The following BCAR3 variants were observed in gnomAD, a reference collection of about 807,000 sequenced individuals.
BCAR3 encodes the protein BCAR3 adaptor protein, NSP family member.
In BCAR3, 37 loss-of-function variants were observed where a neutral mutation model predicts 80.1. The observed-to-expected ratio is 0.46, with a 90% CI of 0.36 to 0.61. The LOEUF (loss-of-function observed/expected upper bound fraction) is 0.61, where lower values mean the gene tolerates loss of function less well. BCAR3 is among the 20% of genes least tolerant of loss of function. BCAR3 has a pLI of 0.00. For synonymous variants in BCAR3, 389 were observed against 418.9 expected, an observed-to-expected ratio of 0.93 and a Z score of 0.87; for missense variants, 978 against 1,068.2, an observed-to-expected ratio of 0.92 and a Z score of 1.18.
intron 8 of BCAR3, 45 bp downstream of exon 8, chr1:93,575,969 G>A: frequency 6.5e-7 from 1 of 1,548,142 alleles, no homozygotes; most frequent in South Asian, 1.1e-5. Flanking sequence ...CTGATGCCTG[G>A]AAGGAGCTGG....
chr1:93,692,361 G>A (rs1014857594), intron 3 of BCAR3, among the ~76,000 whole-genome samples: 1 of 152,164 alleles, frequency 6.6e-6, no homozygotes, highest in Non-Finnish European at 1.5e-5. Flanking sequence ...CAGTACTGAG[G>A]TTTCCAAATG....
chr1:93,715,162 C>T (rs1650155479), intron 2 of BCAR3, among the ~76,000 whole-genome samples: 1 of 152,188 alleles, frequency 6.6e-6, no homozygotes, highest in African/African-American at 2.4e-5. Context: ...TTGTTCTTCC[C>T]CCCTGCTATT....
At position 93,562,768 on chromosome 1, in the gene BCAR3, C is replaced by CAA. The variant is rs35374992; in HGVS notation, c.2300-351_2300-350dup. On this transcript the variant is annotated intron_variant, in intron 11 of 11. Coordinates refer to ENST00000260502, the MANE Select transcript of BCAR3 (RefSeq NM_003567.4). ...CTGGGTGACAAGCGAGACTCCATCT[C>CAA]AAAAAAAAAAAAAAAAAAAAAAATA... 4.3e-3 allele frequency among the ~76,000 whole-genome samples: 331 copies of CAA among 76,598 alleles called. 5 individuals carry two copies. Among genetic ancestry groups the CAA allele is most frequent in the African/African-American group, 8.9e-3 (157 of 17,668 alleles). 50.3% of individuals were successfully genotyped at this position (76,598 alleles called of 152,430 possible).
chr1:93,657,912 C>A (rs1470317848), intron 2 of BCAR3, among the ~76,000 whole-genome samples: 1 of 151,472 alleles, frequency 6.6e-6, no homozygotes, highest in African/African-American at 2.4e-5. Flanking sequence ...TAAAATCAAT[C>A]AGTCAGAAAC....
intron 2 of BCAR3, among the ~76,000 whole-genome samples, chr1:93,706,762 T>A (rs551596831): frequency 2.0e-5 from 3 of 152,334 alleles, no homozygotes; most frequent in African/African-American, 7.2e-5. Context: ...AAAAGTCCAA[T>A]AATGGAGAAT....
chr1:93,631,701 G>A (rs1441024013), intron 3 of BCAR3, among the ~76,000 whole-genome samples: 1 of 152,210 alleles, frequency 6.6e-6, no homozygotes, highest in Non-Finnish European at 1.5e-5. Context: ...CCTCGAGTTA[G>A]GGAGGATGGT....
At chr1:93,625,448 C>T (rs545289973) in intron 3 of BCAR3, among the ~76,000 whole-genome samples, 1 of 152,188 alleles carries the variant, frequency 6.6e-6, no homozygotes, top group African/African-American at 2.4e-5. Flanking sequence ...CCACACAGAC[C>T]CCTTCAAAAT....
intron 1 of BCAR3, among the ~76,000 whole-genome samples, chr1:93,680,197 G>C (rs1648683473): frequency 6.6e-6 from 1 of 152,154 alleles, no homozygotes. Context: ...CACAGTACAG[G>C]ATTTACCCGA....
At position 93,806,170 on chromosome 1, in the gene BCAR3, C is replaced by G. The variant is rs114003415; in HGVS notation, c.-63+39397G>C. Among the ~76,000 whole-genome samples the G allele has an allele frequency of 8.9e-3, 1,358 of 152,196 alleles. 18 individuals carry two copies. Among genetic ancestry groups the G allele is most frequent in the African/African-American group, 0.032 (1,315 of 41,540 alleles). On this transcript the variant is annotated intron_variant, in intron 2 of 13. Transcript: ENST00000370244. ...CATAGTGTTGAAGAGGAAAACTTTG[C>G]CTTCTACCGACTCTGAAATTTTGCT...
chr1:93,631,833 AG>A (rs1675629059), intron 3 of BCAR3, among the ~76,000 whole-genome samples: 1 of 152,214 alleles, frequency 6.6e-6, no homozygotes, highest in Non-Finnish European at 1.5e-5. Context: ...GGGCAGCTCC[AG>A]GGTTTGACCT....
chr1:93,594,891 C>G (rs777179205), intron 3 of BCAR3: 17 of 152,314 alleles, frequency 1.1e-4, no homozygotes, highest in Non-Finnish European at 1.6e-4. Context: ...CTCCCTCTCC[C>G]CGGCTCCTTT....
chr1:93,731,668 A>AAAAT (rs1650796459), intron 2 of BCAR3, among the ~76,000 whole-genome samples: 1 of 151,578 alleles, frequency 6.6e-6, no homozygotes, highest in Non-Finnish European at 1.5e-5. Flanking sequence ...AAAATAAAAT[A>AAAAT]AAATAAAATA....
chr1:93,660,097 C>G (rs116085229), intron 2 of BCAR3, among the ~76,000 whole-genome samples: 1 of 151,734 alleles, frequency 6.6e-6, no homozygotes, highest in East Asian at 1.9e-4. Flanking sequence ...CTCTAATACG[C>G]GGAAGACCTA....
chr1:93,639,711 G>A (rs1418455765), intron 3 of BCAR3, among the ~76,000 whole-genome samples: 3 of 151,802 alleles, frequency 2.0e-5, no homozygotes, highest in Admixed American at 6.6e-5. Flanking sequence ...TCCTGACCTC[G>A]GGTGATCTGC....
At chr1:93,696,224 C>A (rs1321479855) in intron 3 of BCAR3, among the ~76,000 whole-genome samples, 1 of 152,050 alleles carries the variant, frequency 6.6e-6, no homozygotes, top group Non-Finnish European at 1.5e-5. Flanking sequence ...GTTTTCACAT[C>A]CAAATGGTTT....
chr1:93,674,666 C>A lies in BCAR3; in HGVS notation c.265G>T (p.Gly89Cys), dbSNP rs1319259420. 1 of 1,614,030 alleles carries A rather than the reference C, an allele frequency of 6.2e-7. No homozygotes were observed. Among genetic ancestry groups the A allele is most frequent in the African/African-American group, 1.3e-5 (1 of 75,050 alleles). The change falls in exon 2 of 12, where the codon GGC becomes TGC. Residue 89 changes from glycine (G) to cysteine (C), a missense_variant. Transcript: ENST00000260502. ...PRQNSPVTQD[G>C]IQESPWQDRH... The stretch of plus-strand genomic sequence containing the variant: ...TCCTGCCATGGGCTCTCCTGGATGC[C>A]ATCCTGGGTCACAGGCGAGTTCTGC...
At chr1:93,694,720 C>T (rs958065255) in intron 3 of BCAR3, among the ~76,000 whole-genome samples, 1 of 152,304 alleles carries the variant, frequency 6.6e-6, no homozygotes, top group African/African-American at 2.4e-5. Context: ...GACCTGGCAG[C>T]CAATGTTTAA....
At chr1:93,790,664 T>TA (rs1653118690) in intron 2 of BCAR3, among the ~76,000 whole-genome samples, 19 of 144,036 alleles carry the variant, frequency 1.3e-4, no homozygotes, top group Non-Finnish European at 2.4e-4. Flanking sequence ...TTTTTTTTTT[T>TA]AATTATACTT....
intron 2 of BCAR3, among the ~76,000 whole-genome samples, chr1:93,665,790 C>G (rs1379084004): frequency 1.3e-5 from 2 of 152,136 alleles, no homozygotes; most frequent in Non-Finnish European, 1.5e-5. Flanking sequence ...TACCATAACC[C>G]CCTTCCCTAA....
Sources: gnomAD v4.1 joint callset for allele counts (sites outside exome capture counted in the v4.1 genomes callset) on GRCh38, gnomAD v4.1.1 for gene constraint, MANE v1.5 for transcripts, NCBI Gene and HGNC (gene_info 2026-07-23, HGNC 2026-07-21) for gene names.